The following PLXDC2 variants were observed in gnomAD, a reference collection of about 807,000 sequenced individuals.
PLXDC2 encodes the protein plexin domain containing 2.
PLXDC2 carries 40 observed loss-of-function variants against 68.9 expected under a neutral mutation model. The ratio of observed to expected loss-of-function variants is 0.58; its 90% CI spans 0.45 to 0.76. The LOEUF (loss-of-function observed/expected upper bound fraction) is 0.76, where lower values mean the gene tolerates loss of function less well. Among genes scored for constraint, PLXDC2 ranks in the 30% least tolerant of loss-of-function variants. The pLI, the probability that PLXDC2 is intolerant of heterozygous loss-of-function variation, is 0.00. For synonymous variants in PLXDC2, 243 were observed against 234.2 expected, an observed-to-expected ratio of 1.04 and a Z score of -0.34; for missense variants, 644 against 661.9, an observed-to-expected ratio of 0.97 and a Z score of 0.30.
chr10:20,006,034 A>G (rs185272501), intron 2 of PLXDC2, among the ~76,000 whole-genome samples: 6 of 152,242 alleles, frequency 3.9e-5, no homozygotes, highest in Admixed American at 3.9e-4. Flanking sequence ...TACTAAAAAT[A>G]CAAAAATTAG....
chr10:19,823,023 C>T (rs1220846028), intron 1 of PLXDC2, among the ~76,000 whole-genome samples: 1 of 151,920 alleles, frequency 6.6e-6, no homozygotes, highest in African/African-American at 2.4e-5. Context: ...TCACGCCATT[C>T]TCCTGCCTCA....
At chr10:19,935,990 G>C (rs1833716937) in intron 1 of PLXDC2, among the ~76,000 whole-genome samples, 1 of 152,126 alleles carries the variant, frequency 6.6e-6, no homozygotes. Context: ...ACATGTCTTA[G>C]TTCTTAGTGC....
intron 4 of PLXDC2, among the ~76,000 whole-genome samples, chr10:20,076,704 G>A (rs1051867594): frequency 1.2e-4 from 19 of 152,222 alleles, no homozygotes; most frequent in Middle Eastern, 3.4e-3. Flanking sequence ...GAGTGTTTAG[G>A]AACCTAATCC....
At chr10:20,048,920 G>T (rs1835844843) in intron 3 of PLXDC2, among the ~76,000 whole-genome samples, 1 of 152,094 alleles carries the variant, frequency 6.6e-6, no homozygotes, top group Non-Finnish European at 1.5e-5. Flanking sequence ...CAGTGACGTT[G>T]TTGCTTTTAA....
At chr10:19,929,055 G>A (rs553462183) in intron 1 of PLXDC2, among the ~76,000 whole-genome samples, 10 of 150,502 alleles carry the variant, frequency 6.6e-5, no homozygotes, top group South Asian at 2.2e-4. Context: ...ATGCCCAGAC[G>A]ATAGGGCTTT....
chr10:20,209,961 A>G (rs1369359547), intron 9 of PLXDC2, among the ~76,000 whole-genome samples: 3 of 152,188 alleles, frequency 2.0e-5, no homozygotes, highest in Admixed American at 2.0e-4. Context: ...ATAAGTGTCC[A>G]TGAAATCTTC....
chr10:20,085,749 C>T (rs7090101), intron 4 of PLXDC2, among the ~76,000 whole-genome samples: 32,171 of 151,936 alleles, frequency 0.21, 4,822 homozygotes, highest in East Asian at 0.61. Flanking sequence ...CAACACCTCC[C>T]TCAAGATGAT....
chr10:20,129,425 C>T (rs1833834672), intron 4 of PLXDC2, among the ~76,000 whole-genome samples: 1 of 151,846 alleles, frequency 6.6e-6, no homozygotes, highest in Non-Finnish European at 1.5e-5. Flanking sequence ...TAGGTTTTCT[C>T]TTGACTCTGT....
intron 4 of PLXDC2, among the ~76,000 whole-genome samples, chr10:20,134,918 C>T (rs903757966): frequency 1.1e-4 from 17 of 152,170 alleles, no homozygotes; most frequent in African/African-American, 3.9e-4. Flanking sequence ...TGGTGCTGCT[C>T]ACTTTACTCA....
At chr10:20,260,638 ATAATGG>A (rs1835798084) in intron 13 of PLXDC2, among the ~76,000 whole-genome samples, 1 of 152,216 alleles carries the variant, frequency 6.6e-6, no homozygotes, top group South Asian at 2.1e-4. Context: ...GCCACTATGA[ATAATGG>A]TACTATGAAC....
At chr10:20,184,395 G>A (rs7895519) in intron 9 of PLXDC2, among the ~76,000 whole-genome samples, 143,630 of 148,128 alleles carry the variant, frequency 0.97, 69,674 homozygotes, top group East Asian at 1. Context: ...ATATAAAATT[G>A]TATACAAACG....
intron 4 of PLXDC2, among the ~76,000 whole-genome samples, chr10:20,111,464 A>G (rs1455138338): frequency 6.6e-6 from 1 of 152,220 alleles, no homozygotes; most frequent in East Asian, 1.9e-4. Context: ...TCAGAAAAAA[A>G]TACATTTTCC....
chr10:20,226,727 A>G (rs112816573), intron 12 of PLXDC2, among the ~76,000 whole-genome samples: 3,141 of 152,312 alleles, frequency 0.021, 62 homozygotes, highest in Non-Finnish European at 0.032. Flanking sequence ...ATGCACACAG[A>G]TGGCTTCCAC....
At chr10:20,095,629 C>G (rs1165037669) in intron 4 of PLXDC2, among the ~76,000 whole-genome samples, 1 of 152,020 alleles carries the variant, frequency 6.6e-6, no homozygotes, top group Non-Finnish European at 1.5e-5. Context: ...AAAGTGAAGG[C>G]AAGGAAGCTG....
At chr10:20,072,471 AAAG>A (rs1350937718) in intron 4 of PLXDC2, among the ~76,000 whole-genome samples, 3 of 141,824 alleles carry the variant, frequency 2.1e-5, no homozygotes, top group African/African-American at 8.0e-5. Context: ...AGAAAGAAAG[AAAG>A]AAGGAACAAA....
At chr10:20,228,595 G>GAAGA (rs1487399109) in intron 12 of PLXDC2, among the ~76,000 whole-genome samples, 2 of 149,700 alleles carry the variant, frequency 1.3e-5, no homozygotes, top group Admixed American at 6.7e-5. Context: ...AGGAAGGCAG[G>GAAGA]AAGGAAGGAA....
chr10:20,024,715 T>TCCC lies in PLXDC2; in HGVS notation c.325-22152_325-22150dup, dbSNP rs1356964427. Among the ~76,000 whole-genome samples the TCCC allele has an allele frequency of 2.0e-5, 3 of 152,268 alleles. No individual in the cohort carries two copies. In the East Asian group the frequency reaches 5.8e-4, roughly 29 times the overall value. Reference sequence around the variant, plus strand: ...CAAGAGTTAGTTTTTCAACCCTTGATCCCCACCTTTTCCCATCTAGTGGTC... The same window carrying TCCC: ...CAAGAGTTAGTTTTTCAACCCTTGATCCCCCCCACCTTTTCCCATCTAGTGGTC... On this transcript the variant is annotated intron_variant, in intron 2 of 13. Coordinates refer to ENST00000377252, the MANE Select transcript of PLXDC2 (RefSeq NM_032812.9).
chr10:19,826,865 C>T (rs774754707), intron 1 of PLXDC2, among the ~76,000 whole-genome samples: 1 of 152,142 alleles, frequency 6.6e-6, no homozygotes, highest in Non-Finnish European at 1.5e-5. Context: ...GAAAGACTTG[C>T]AAAATACTGA....
At chr10:20,237,618 G>A (rs1835451095) in intron 12 of PLXDC2, among the ~76,000 whole-genome samples, 1 of 152,154 alleles carries the variant, frequency 6.6e-6, no homozygotes, top group Non-Finnish European at 1.5e-5. Context: ...AAATGGGTTA[G>A]GTACTGTTCC....
Sources: gnomAD v4.1 joint callset for allele counts (sites outside exome capture counted in the v4.1 genomes callset) on GRCh38, gnomAD v4.1.1 for gene constraint, MANE v1.5 for transcripts, NCBI Gene and HGNC (gene_info 2026-07-23, HGNC 2026-07-21) for gene names.